Variants in FER observed in about 807,000 individuals in gnomAD.
The protein encoded by FER is tyrosine-protein kinase Fer.
In FER, 63 loss-of-function variants were observed where a neutral mutation model predicts 111.0. The observed-to-expected ratio is 0.57, with a 90% CI of 0.46 to 0.70. The LOEUF (loss-of-function observed/expected upper bound fraction) is 0.70. FER is among the 30% of genes least tolerant of loss of function. FER has a pLI of 0.00. For missense variants in FER, 914 were observed against 954.0 expected, an observed-to-expected ratio of 0.96 and a Z score of 0.55; for synonymous variants, 327 against 313.9, an observed-to-expected ratio of 1.04 and a Z score of -0.44.
intron 2 of FER, among the ~76,000 whole-genome samples, chr5:108,769,952 GATGA>G (rs1312396545): frequency 1.3e-5 from 2 of 151,816 alleles, no homozygotes; most frequent in African/African-American, 2.4e-5. Flanking sequence ...TGATGATGAT[GATGA>G]TTTTTTTTTG....
intron 13 of FER, among the ~76,000 whole-genome samples, chr5:108,964,185 G>A (rs958078953): frequency 2.0e-5 from 3 of 152,100 alleles, no homozygotes; most frequent in Non-Finnish European, 4.4e-5. Context: ...ATGTTAGAGC[G>A]AATAAATGTT....
intron 5 of FER, among the ~76,000 whole-genome samples, chr5:108,846,890 A>T (rs1379624626): frequency 6.6e-6 from 1 of 152,004 alleles, no homozygotes; most frequent in East Asian, 1.9e-4. Flanking sequence ...CTTTATTAGT[A>T]GTTTTTCTCT....
intron 2 of FER, among the ~76,000 whole-genome samples, chr5:108,791,425 A>T (rs1180525247): frequency 2.0e-5 from 3 of 151,736 alleles, no homozygotes; most frequent in Non-Finnish European, 4.4e-5. Context: ...ACATTTGTAC[A>T]TTTTTCTTAG....
At chr5:108,752,489 G>A (rs1011815774) in intron 1 of FER, among the ~76,000 whole-genome samples, 1 of 151,812 alleles carries the variant, frequency 6.6e-6, no homozygotes, top group South Asian at 2.1e-4. Flanking sequence ...ATTAGAAGAG[G>A]GCTCCTAGAT....
At chr5:108,775,258 T>G (rs2149979765) in intron 2 of FER, among the ~76,000 whole-genome samples, 1 of 152,326 alleles carries the variant, frequency 6.6e-6, no homozygotes, top group African/African-American at 2.4e-5. Flanking sequence ...TATATATCTG[T>G]TTTGGTACTA....
chr5:109,065,780 A>T (rs1010583880), intron 16 of FER, among the ~76,000 whole-genome samples: 5 of 152,116 alleles, frequency 3.3e-5, no homozygotes, highest in African/African-American at 1.2e-4. Flanking sequence ...TTAATTCTTT[A>T]TTTGCTTTCA....
intron 13 of FER, among the ~76,000 whole-genome samples, chr5:109,021,480 A>G (rs924263859): frequency 5.3e-5 from 8 of 152,078 alleles, no homozygotes; most frequent in African/African-American, 1.9e-4. Flanking sequence ...GTATTCTAAC[A>G]ACATTTGCTA....
chr5:109,021,026 T>TA (rs1767852264), intron 13 of FER, among the ~76,000 whole-genome samples: 1 of 152,030 alleles, frequency 6.6e-6, no homozygotes, highest in African/African-American at 2.4e-5. Flanking sequence ...AAATTCAAGT[T>TA]ATTTTAAGTG....
intron 16 of FER, among the ~76,000 whole-genome samples, chr5:109,083,551 C>A (rs903804331): frequency 6.6e-6 from 1 of 151,986 alleles, no homozygotes; most frequent in African/African-American, 2.4e-5. Context: ...TTGCGACATT[C>A]CTCTAATCTA....
intron 13 of FER, among the ~76,000 whole-genome samples, chr5:108,984,419 C>G (rs1360522204): frequency 6.6e-6 from 1 of 151,922 alleles, no homozygotes; most frequent in East Asian, 1.9e-4. Context: ...TTTAAATATC[C>G]TTAGGGAATA....
At chr5:108,897,929 G>A in intron 10 of FER, 81 bp downstream of exon 10, 1 of 1,259,450 alleles carries the variant, frequency 7.9e-7, no homozygotes, top group Non-Finnish European at 1.1e-6. Context: ...ATTTAAATTT[G>A]CTATAACAAA....
chr5:109,132,314 TTAAAA>T (rs1171651475), intron 17 of FER, among the ~76,000 whole-genome samples: 1 of 152,200 alleles, frequency 6.6e-6, no homozygotes, highest in Non-Finnish European at 1.5e-5. Flanking sequence ...GCAACTAAAA[TTAAAA>T]TACAGCTAAG....
Position 108,927,252 on chromosome 5 carries a change from C to CTTT in FER, c.1237-18861_1237-18859dup, listed in dbSNP as rs766702172. Among the ~76,000 whole-genome samples, 53 of 95,240 alleles carry CTTT rather than the reference C, an allele frequency of 5.6e-4. 9 individuals are homozygous for CTTT. The highest frequency in any genetic ancestry group is 2.1e-3 in the South Asian group (7 of 3,328). The allele number at this position is 95,240 out of a possible 152,430, so 62.5% of individuals were successfully genotyped here. The stretch of plus-strand genomic sequence containing the variant: ...TGTAATTCAGCATTGAGAAGTGGCT[C>CTTT]TTTTTTTTTTTTTTTTTTTGAGACG... On this transcript the variant is annotated intron_variant, in intron 10 of 19. Transcript: ENST00000281092.
intron 17 of FER, among the ~76,000 whole-genome samples, chr5:109,104,511 C>G (rs543220635): frequency 6.6e-6 from 1 of 152,226 alleles, no homozygotes; most frequent in South Asian, 2.1e-4. Context: ...AGGATACCCT[C>G]TGAGTGAGAC....
At chr5:108,774,376 G>T (rs1022219648) in intron 2 of FER, among the ~76,000 whole-genome samples, 1 of 152,122 alleles carries the variant, frequency 6.6e-6, no homozygotes, top group Admixed American at 6.6e-5. Context: ...GTGTGTGTGT[G>T]TCTTTATAGT....
At position 108,771,405 on chromosome 5, in the gene FER, A is replaced by G. The variant is rs1163682143; in HGVS notation, c.-60+3167A>G. On this transcript the variant is annotated intron_variant, in intron 2 of 19. Transcript: ENST00000281092. ...TTTAGAGCTGAGAGGTAGTAGTAGA[A>G]TTTTAGTAGTAGTAGGATTTTATAA... Among the ~76,000 whole-genome samples the G allele has an allele frequency of 2.6e-5, 4 of 152,118 alleles. No homozygotes were observed. In the East Asian group the frequency reaches 5.8e-4, roughly 22 times the overall value.
At chr5:108,916,827 C>G (rs1335656099) in intron 10 of FER, among the ~76,000 whole-genome samples, 1 of 152,032 alleles carries the variant, frequency 6.6e-6, no homozygotes, top group African/African-American at 2.4e-5. Context: ...CGTTTTTGTT[C>G]TCCCTTTGTG....
Position 109,194,731 on chromosome 5 carries a change from G to A in FER, c.*7156G>A, listed in dbSNP as rs1228117269. ...AGCAACACAGGATAAATGTAGGAGG[G>A]CCTTAAAAAATAAATCTCAATTCAT... On this transcript the variant is annotated 3_prime_UTR_variant, in exon 20 of 20. Coordinates refer to ENST00000281092, the MANE Select transcript of FER (RefSeq NM_005246.4). 2 of 151,902 alleles carry A rather than the reference G, an allele frequency of 1.3e-5. No homozygotes were observed. Among genetic ancestry groups the A allele is most frequent in the South Asian group, 2.1e-4 (1 of 4,786 alleles). The allele number at this position is 151,902 out of a possible 1,614,324, so 9.4% of individuals were successfully genotyped here.
At chr5:108,887,346 T>G (rs1259518881) in intron 9 of FER, among the ~76,000 whole-genome samples, 1 of 151,644 alleles carries the variant, frequency 6.6e-6, no homozygotes, top group African/African-American at 2.4e-5. Context: ...AAAAATAAAT[T>G]ATATGATAAA....
Sources: gnomAD v4.1 joint callset for allele counts (sites outside exome capture counted in the v4.1 genomes callset) on GRCh38, gnomAD v4.1.1 for gene constraint, MANE v1.5 for transcripts, NCBI Gene and HGNC (gene_info 2026-07-23, HGNC 2026-07-21) for gene names.